NEGR1: variants seen among roughly 807,000 people sequenced by gnomAD.
NEGR1 encodes the protein neuronal growth regulator 1.
NEGR1 carries 10 observed loss-of-function variants against 40.9 expected under a neutral mutation model. That is an observed-to-expected ratio of 0.24 (90% CI 0.15 to 0.42). NEGR1 has a LOEUF of 0.42. Among genes scored for constraint, NEGR1 ranks in the 10% least tolerant of loss-of-function variants. NEGR1 has a pLI of 1.00. For missense variants in NEGR1, 352 were observed against 438.9 expected, an observed-to-expected ratio of 0.80 and a Z score of 1.77; for synonymous variants, 185 against 166.8, an observed-to-expected ratio of 1.11 and a Z score of -0.84.
chr1:71,545,870 A>C lies in NEGR1; in HGVS notation c.940+46947T>G, dbSNP rs942701658. Reference sequence around the variant, plus strand: ...TATTTCTATATTTTGGATCCTAATTAGCTGTGTAATTTTGGCACCATTTGC... The same window carrying C: ...TATTTCTATATTTTGGATCCTAATTCGCTGTGTAATTTTGGCACCATTTGC... On this transcript the variant is annotated intron_variant, in intron 6 of 6. Coordinates refer to ENST00000357731, the MANE Select transcript of NEGR1 (RefSeq NM_173808.3). 4.0e-5 allele frequency among the ~76,000 whole-genome samples: 6 copies of C among 151,660 alleles called. No individual in the cohort carries two copies. The East Asian group carries it at 1.2e-3, about 30-fold the overall frequency.
At chr1:71,560,013 T>A (rs374513558) in intron 6 of NEGR1, among the ~76,000 whole-genome samples, 58 of 151,506 alleles carry the variant, frequency 3.8e-4, no homozygotes, top group African/African-American at 1.3e-3. Context: ...AGCTGCATCA[T>A]CTTCACTTGA....
intron 2 of NEGR1, among the ~76,000 whole-genome samples, chr1:71,928,044 A>ACACG (rs1645794828): frequency 8.1e-6 from 1 of 123,832 alleles, no homozygotes; most frequent in Non-Finnish European, 1.7e-5. Flanking sequence ...ACACACACAC[A>ACACG]CACACGTATA....
chr1:72,179,857 A>G lies in NEGR1; in HGVS notation c.176+102462T>C, dbSNP rs561129381. On this transcript the variant is annotated intron_variant, in intron 1 of 6. Coordinates refer to ENST00000357731, the MANE Select transcript of NEGR1 (RefSeq NM_173808.3). Reference sequence around the variant, plus strand: ...GTGAAATACCTGCACACTGAAAACTATAAAACATTGATGAAAGACATAGAA... The same window carrying G: ...GTGAAATACCTGCACACTGAAAACTGTAAAACATTGATGAAAGACATAGAA... Among the ~76,000 whole-genome samples the G allele has an allele frequency of 1.1e-3, 162 of 152,190 alleles. 1 individual carries two copies. Among genetic ancestry groups the G allele is most frequent in the African/African-American group, 3.6e-3 (150 of 41,568 alleles).
At chr1:71,551,056 ATG>A (rs1648059919) in intron 6 of NEGR1, among the ~76,000 whole-genome samples, 2 of 151,550 alleles carry the variant, frequency 1.3e-5, no homozygotes, top group Admixed American at 1.3e-4. Context: ...AAGAATTTCT[ATG>A]TATATTGTTT....
intron 2 of NEGR1, among the ~76,000 whole-genome samples, chr1:71,852,042 A>T (rs1335999672): frequency 6.6e-6 from 1 of 152,208 alleles, no homozygotes; most frequent in Admixed American, 6.6e-5. Context: ...CTGTATTTGA[A>T]TTATAAAGCT....
intron 6 of NEGR1, among the ~76,000 whole-genome samples, chr1:71,570,400 A>G (rs1324600418): frequency 6.6e-6 from 1 of 152,132 alleles, no homozygotes; most frequent in Admixed American, 6.6e-5. Flanking sequence ...CATTAACTGG[A>G]GTGATATACT....
intron 6 of NEGR1, among the ~76,000 whole-genome samples, chr1:71,533,796 A>G (rs1647431606): frequency 6.6e-6 from 1 of 151,656 alleles, no homozygotes; most frequent in Admixed American, 6.6e-5. Flanking sequence ...CCAGTGATAC[A>G]AAGACTAAAC....
intron 2 of NEGR1, among the ~76,000 whole-genome samples, chr1:71,894,944 G>T (rs1189382987): frequency 6.6e-6 from 1 of 151,866 alleles, no homozygotes; most frequent in Non-Finnish European, 1.5e-5. Flanking sequence ...TTAAAAGGAA[G>T]GAAAAGAAAG....
At chr1:71,806,776 G>C (rs533584342) in intron 2 of NEGR1, among the ~76,000 whole-genome samples, 6 of 152,052 alleles carry the variant, frequency 3.9e-5, no homozygotes, top group Non-Finnish European at 8.8e-5. Flanking sequence ...TGTCAGATAA[G>C]GCCTCAGACT....
chr1:72,206,963 A>G (rs1458734324), intron 1 of NEGR1, among the ~76,000 whole-genome samples: 2 of 151,822 alleles, frequency 1.3e-5, no homozygotes, highest in Non-Finnish European at 2.9e-5. Context: ...ACAAATTTAC[A>G]TAAGAAGGGG....
intron 2 of NEGR1, among the ~76,000 whole-genome samples, chr1:71,927,578 C>T (rs71651500): frequency 6.6e-6 from 1 of 152,046 alleles, no homozygotes; most frequent in East Asian, 1.9e-4. Flanking sequence ...CATAACTATT[C>T]TAAATTGTTT....
At chr1:72,177,201 G>A (rs1652199011) in intron 1 of NEGR1, among the ~76,000 whole-genome samples, 1 of 152,150 alleles carries the variant, frequency 6.6e-6, no homozygotes, top group Admixed American at 6.5e-5. Flanking sequence ...TGAAGAAACT[G>A]AGGCAAGAAG....
intron 2 of NEGR1, among the ~76,000 whole-genome samples, chr1:71,806,329 G>T (rs1002986727): frequency 6.6e-6 from 1 of 151,962 alleles, no homozygotes; most frequent in Non-Finnish European, 1.5e-5. Context: ...CTTTCATACT[G>T]TAGTTGGAAT....
rs56382019 is a variant in NEGR1, at chr1:71,730,569, T to TTATATATATATATATATATATATATA, written c.536-32431_536-32430insTATATATATATATATATATATATATA. Reference sequence around the variant, plus strand: ...TTATATGTGTATATATAGTATAAATTTATATATATATATATATATATATAA... The same window carrying TTATATATATATATATATATATATATA: ...TTATATGTGTATATATAGTATAAATTTATATATATATATATATATATATATATATATATATATATATATATATATAA... On this transcript the variant is annotated intron_variant, in intron 3 of 6. Transcript: ENST00000357731. Among the ~76,000 whole-genome samples, 49 of 134,700 alleles carry TTATATATATATATATATATATATATA rather than the reference T, an allele frequency of 3.6e-4. 1 individual carries two copies. Among genetic ancestry groups the TTATATATATATATATATATATATATA allele is most frequent in the African/African-American group, 1.2e-3 (45 of 36,098 alleles). 88.4% of individuals were successfully genotyped at this position (134,700 alleles called of 152,430 possible).
chr1:71,637,695 G>A (rs1651201761), intron 4 of NEGR1, among the ~76,000 whole-genome samples: 1 of 151,916 alleles, frequency 6.6e-6, no homozygotes, highest in Non-Finnish European at 1.5e-5. Flanking sequence ...CTAAAACCAT[G>A]AGGAGGAGAA....
At chr1:72,184,842 G>A (rs536306994) in intron 1 of NEGR1, among the ~76,000 whole-genome samples, 1 of 152,024 alleles carries the variant, frequency 6.6e-6, no homozygotes, top group African/African-American at 2.4e-5. Flanking sequence ...ACCTCTACAG[G>A]TGGATAAAAA....
In NEGR1 at chr1:71,925,946, G is replaced by GT. The variant is rs147663609; in HGVS notation, c.409+9132dup. Among the ~76,000 whole-genome samples the GT allele has an allele frequency of 2.8e-3, 418 of 151,688 alleles. 1 individual carries two copies. Among genetic ancestry groups the GT allele is most frequent in the East Asian group, 0.015 (75 of 5,152 alleles). On this transcript the variant is annotated intron_variant, in intron 2 of 6. Transcript: ENST00000357731. ...TATTACTTACACAGTTATTTTCTTT[G>GT]TTTTTTTTAAGAGAAAATGAATATA...
intron 1 of NEGR1, among the ~76,000 whole-genome samples, chr1:72,245,730 T>C (rs1242909472): frequency 6.6e-6 from 1 of 152,146 alleles, no homozygotes; most frequent in Non-Finnish European, 1.5e-5. Flanking sequence ...TAAAATTCTT[T>C]CCATAAACAG....
intron 1 of NEGR1, among the ~76,000 whole-genome samples, chr1:72,153,938 A>G (rs761367205): frequency 2.0e-5 from 3 of 151,890 alleles, no homozygotes; most frequent in East Asian, 3.9e-4. Flanking sequence ...ATTGATTAGT[A>G]TAGTAGAAAG....
Sources: allele counts gnomAD v4.1 joint callset (sites outside exome capture counted in the v4.1 genomes callset), GRCh38; gene constraint gnomAD v4.1.1; transcripts MANE v1.5; gene names NCBI Gene and HGNC (gene_info 2026-07-23, HGNC 2026-07-21).